ACACB: variants seen among roughly 807,000 people sequenced by gnomAD.
The protein encoded by ACACB is acetyl-CoA carboxylase 2.
In ACACB, 209 loss-of-function variants were observed where a neutral mutation model predicts 278.8. The ratio of observed to expected loss-of-function variants is 0.75; its 90% CI spans 0.67 to 0.84. The LOEUF is 0.84. ACACB is among the 40% of genes least tolerant of loss of function. The pLI, the probability that ACACB is intolerant of heterozygous loss-of-function variation, is 0.00. For synonymous variants in ACACB, 1,174 were observed against 1,285.6 expected, an observed-to-expected ratio of 0.91 and a Z score of 1.86; for missense variants, 2,850 against 3,269.0, an observed-to-expected ratio of 0.87 and a Z score of 3.13.
intron 18 of ACACB, among the ~76,000 whole-genome samples, chr12:109,200,387 T>C (rs1201310875): frequency 1.3e-5 from 2 of 152,124 alleles, no homozygotes; most frequent in Non-Finnish European, 2.9e-5. Context: ...GGTTTCGTCA[T>C]GCTGCTCAAG....
rs1452228666 is a variant in ACACB at position 109,259,089 on chromosome 12, G to T, written c.6477G>T (p.Gly2159=). 1.2e-6 allele frequency: 2 copies of T among 1,613,964 alleles called. No homozygotes were observed. The highest frequency in any genetic ancestry group is 1.3e-5 in the African/African-American group (1 of 74,908). The change falls in exon 47 of 53, where the codon GGG becomes GGT. Residue 2159 remains glycine (G), a synonymous_variant. Coordinates refer to ENST00000338432, the MANE Select transcript of ACACB (RefSeq NM_001093.4). The part of the protein sequence containing the change: ...LPLMIFANWR[G]FSGGMKDMYD... ...TGATGATCTTTGCCAACTGGAGGGG[G>T]TTCTCCGGTGGCATGAAAGGTAAGC...
rs759771948 is a variant in ACACB, at chr12:109,171,802, C to G, written c.926-3C>G. On this transcript the variant is annotated splice_polypyrimidine_tract_variant and splice_region_variant and intron_variant, in intron 4 of 52. Coordinates refer to ENST00000338432, the MANE Select transcript of ACACB (RefSeq NM_001093.4). The stretch of plus-strand genomic sequence containing the variant: ...CTTCCTTCTCCCTCCCATTTAATTT[C>G]AGAGTACATCAAGATGGCGGATCAT... 6.2e-7 allele frequency: 1 copy of G among 1,610,756 alleles called. No homozygotes were observed. Among genetic ancestry groups the G allele is most frequent in the Non-Finnish European group, 8.5e-7 (1 of 1,176,994 alleles).
At chr12:109,157,266 A>G (rs2043570556) in intron 2 of ACACB, among the ~76,000 whole-genome samples, 1 of 114,180 alleles carries the variant, frequency 8.8e-6, no homozygotes, top group African/African-American at 2.9e-5. Flanking sequence ...AGGCCTTTCT[A>G]GAGTTGTTAT....
At chr12:109,167,621 G>GTATATATATATATATACATATA (rs2043956367) in intron 3 of ACACB, among the ~76,000 whole-genome samples, 1 of 77,528 alleles carries the variant, frequency 1.3e-5, no homozygotes, top group Non-Finnish European at 2.4e-5. Flanking sequence ...ATATGTATGT[G>GTATATATATATATATACATATA]TATATATATA....
rs201141451 is a variant in ACACB at position 109,265,082 on chromosome 12, C to T, written c.6943-28C>T. The T allele has an allele frequency of 1.1e-3, 1,737 of 1,584,392 alleles. 1 individual carries two copies. The highest frequency in any genetic ancestry group is 1.4e-3 in the Admixed American group (80 of 57,342). ...GTGTCCCGTCTCCTCCTTCCCTTTC[C>T]GGGGATTCAAGCCTGGCTCGTCCAC... On this transcript the variant is annotated intron_variant, in intron 50 of 52. Transcript: ENST00000338432.
chr12:109,132,976 G>T (rs1490792874), intron 1 of ACACB, among the ~76,000 whole-genome samples: 1 of 152,086 alleles, frequency 6.6e-6, no homozygotes, highest in African/African-American at 2.4e-5. Context: ...TGCCGTGCGT[G>T]TGTCTAACCA....
Position 109,188,411 on chromosome 12 carries a change from TTCCTTCCTCCCG to T in ACACB, c.2144+260_2144+271del, listed in dbSNP as rs1398742769. Among the ~76,000 whole-genome samples the T allele has an allele frequency of 1.9e-3, 213 of 110,420 alleles. 1 individual carries two copies. Among genetic ancestry groups the T allele is most frequent in the African/African-American group, 7.0e-3 (197 of 28,144 alleles). 72.4% of individuals were successfully genotyped at this position (110,420 alleles called of 152,430 possible). ...CTCCCCTTCCATCCCTTCCCCTCCC[TTCCTTCCTCCCG>T]TCCTTCCTCCTCCCCTTCCCTTCTT... is the stretch of plus-strand genomic sequence containing the variant. On this transcript the variant is annotated intron_variant, in intron 13 of 52. Coordinates refer to ENST00000338432, the MANE Select transcript of ACACB (RefSeq NM_001093.4).
intron 24 of ACACB, among the ~76,000 whole-genome samples, chr12:109,219,996 G>A (rs77056084): frequency 0.055 from 8,414 of 152,252 alleles, 367 homozygotes; most frequent in African/African-American, 0.12. Context: ...AGCAAAATAT[G>A]CCTGTAATCT....
chr12:109,194,549 T>TGTGTG (rs1565908113), intron 16 of ACACB, among the ~76,000 whole-genome samples: 94 of 52,692 alleles, frequency 1.8e-3, no homozygotes, highest in Non-Finnish European at 2.5e-3. Context: ...TGTGTGTGTG[T>TGTGTG]TTACATTGGC....
At chr12:109,140,975 T>C (rs1030581734) in intron 2 of ACACB, among the ~76,000 whole-genome samples, 1 of 142,880 alleles carries the variant, frequency 7.0e-6, no homozygotes, top group Non-Finnish European at 1.5e-5. Flanking sequence ...CATAGCTCAC[T>C]ACAACCTCAA....
At chr12:109,221,862 G>A (rs896246407) in intron 24 of ACACB, among the ~76,000 whole-genome samples, 4 of 150,726 alleles carry the variant, frequency 2.7e-5, no homozygotes, top group Non-Finnish European at 4.4e-5. Flanking sequence ...CATAGTATGT[G>A]CCTGATAATC....
At chr12:109,230,376 G>A (rs2046433222) in intron 28 of ACACB, among the ~76,000 whole-genome samples, 2 of 152,030 alleles carry the variant, frequency 1.3e-5, no homozygotes, top group East Asian at 1.9e-4. Context: ...CAGTGGTGGT[G>A]TAAGATATTT....
intron 49 of ACACB, chr12:109,264,009 C>T (rs765615469): frequency 1.8e-5 from 10 of 541,206 alleles, no homozygotes; most frequent in Admixed American, 3.3e-5. Flanking sequence ...TCAAGATGGG[C>T]CTGGGGTGGG....
intron 2 of ACACB, among the ~76,000 whole-genome samples, chr12:109,144,186 G>A (rs919473664): frequency 7.2e-5 from 11 of 151,958 alleles, no homozygotes; most frequent in Admixed American, 1.3e-4. Context: ...GGTGGTGCAC[G>A]CCTGTAGTCC....
intron 24 of ACACB, among the ~76,000 whole-genome samples, chr12:109,218,618 T>C (rs1475919071): frequency 6.6e-6 from 1 of 151,900 alleles, no homozygotes; most frequent in Non-Finnish European, 1.5e-5. Flanking sequence ...TAAGAGCAAC[T>C]TGGACTTGGC....
chr12:109,260,331 G>C, intron 47 of ACACB, 149 bp from the exon 48 acceptor site: 2 of 1,140,934 alleles, frequency 1.8e-6, no homozygotes, highest in Non-Finnish European at 2.6e-6. Flanking sequence ...GCCACTTAGA[G>C]AGTGATCAGT....
chr12:109,149,256 G>C (rs930105390), intron 2 of ACACB, among the ~76,000 whole-genome samples: 1 of 152,156 alleles, frequency 6.6e-6, no homozygotes, highest in Admixed American at 6.5e-5. Context: ...AGTGGGAAGG[G>C]TTGGGAGATT....
chr12:109,191,166 G>A (rs1468615414), intron 13 of ACACB, among the ~76,000 whole-genome samples: 4 of 151,296 alleles, frequency 2.6e-5, no homozygotes, highest in Non-Finnish European at 5.9e-5. Flanking sequence ...AAACCCTGGC[G>A]CTGATTCAAT....
intron 18 of ACACB, among the ~76,000 whole-genome samples, chr12:109,200,955 T>C (rs10849926): frequency 4.6e-5 from 7 of 151,920 alleles, no homozygotes; most frequent in South Asian, 2.1e-4. Flanking sequence ...GAGGTATTGG[T>C]GGGGGCAGTT....
Sources: allele counts gnomAD v4.1 joint callset (sites outside exome capture counted in the v4.1 genomes callset), GRCh38; gene constraint gnomAD v4.1.1; transcripts MANE v1.5; gene names NCBI Gene and HGNC (gene_info 2026-07-23, HGNC 2026-07-21).